Variants in AGXT observed in about 807,000 individuals in gnomAD.
AGXT encodes L-alanine: glyoxylate aminotransferase 1.
AGXT carries 41 observed loss-of-function variants against 46.9 expected under a neutral mutation model. That is an observed-to-expected ratio of 0.88 (90% CI 0.68 to 1.14). The LOEUF is 1.14. AGXT is among the 50% of genes most tolerant of loss of function. AGXT has a pLI of 0.00. For synonymous variants in AGXT, 244 were observed against 227.9 expected, an observed-to-expected ratio of 1.07 and a Z score of -0.64; for missense variants, 525 against 522.7, an observed-to-expected ratio of 1.00 and a Z score of -0.04.
At chr2:240,871,548 C>A in intron 4 of AGXT, 99 bp downstream of exon 4, 1 of 1,099,586 alleles carries the variant, frequency 9.1e-7, no homozygotes, top group Non-Finnish European at 1.3e-6. Flanking sequence ...CCCCTGGTCC[C>A]CACCCCAGCC....
In AGXT at chr2:240,877,520, C is replaced by A; in HGVS notation, c.847-17C>A. On this transcript the variant is annotated splice_polypyrimidine_tract_variant and intron_variant, in intron 8 of 10. Transcript: ENST00000307503. ...CCCCACCCATGTCACTGCCCACCAG[C>A]GCCATCTCCCACACAGGGCCTGGAG... 1 of 1,540,144 alleles carries A rather than the reference C, an allele frequency of 6.5e-7. No homozygotes were observed. The highest frequency in any genetic ancestry group is 8.8e-7 in the Non-Finnish European group (1 of 1,140,020).
chr2:240,871,230 A>T, intron 3 of AGXT, 119 bp from the exon 4 acceptor site: 1 of 820,000 alleles, frequency 1.2e-6, no homozygotes, highest in East Asian at 2.7e-5. Flanking sequence ...ACCATCAGGG[A>T]GGAGTAGAGG....
Position 240,869,261 on chromosome 2 carries a change from T to A in AGXT, c.257T>A (p.Leu86Gln). The change falls in exon 2 of 11, where the codon CTG becomes CAG. Residue 86 changes from leucine to glutamine, a missense_variant. Coordinates refer to ENST00000307503, the MANE Select transcript of AGXT (RefSeq NM_000030.3). ...LVISGSGHCA[L>Q]EAALVNVLEP... is the part of the protein sequence containing the mutation. ...ATCTCTGGCTCGGGACACTGTGCCC[T>A]GGAGGCCGCCCTGGTCAATGTGCTG... The A allele has an allele frequency of 6.2e-7, 1 of 1,613,838 alleles. No homozygotes were observed.
intron 7 of AGXT, 39 bp from the exon 8 acceptor site, chr2:240,875,896 T>A: frequency 6.2e-7 from 1 of 1,606,284 alleles, no homozygotes. Context: ...CCCCCAACCC[T>A]GCCCATGGTG....
At chr2:240,877,950 G>T (rs1438487755) in intron 9 of AGXT, 72 bp from the exon 10 acceptor site, 3 of 1,586,216 alleles carry the variant, frequency 1.9e-6, no homozygotes, top group Non-Finnish European at 2.6e-6. Context: ...GGCAGATGGT[G>T]CAGGCCAAGA....
At chr2:240,870,754 G>A (rs1394885694) in intron 3 of AGXT, 46 bp downstream of exon 3, 1 of 1,533,168 alleles carries the variant, frequency 6.5e-7, no homozygotes, top group South Asian at 1.2e-5. Flanking sequence ...AGGTGGGAGT[G>A]GGCATGCTGG....
At chr2:240,872,439 C>T (rs1234115116) in intron 4 of AGXT, among the ~76,000 whole-genome samples, 2 of 149,088 alleles carry the variant, frequency 1.3e-5, no homozygotes, top group African/African-American at 5.0e-5. Context: ...GGTGAGAGTT[C>T]GTGAACATGC....
intron 2 of AGXT, among the ~76,000 whole-genome samples, chr2:240,870,422 A>G (rs1321558622): frequency 6.6e-6 from 1 of 152,106 alleles, no homozygotes; most frequent in Non-Finnish European, 1.5e-5. Flanking sequence ...GTGCCCCAGG[A>G]GCGTTGGCTC....
At chr2:240,875,631 G>A (rs1401566301) in intron 7 of AGXT, among the ~76,000 whole-genome samples, 2 of 152,246 alleles carry the variant, frequency 1.3e-5, no homozygotes, top group African/African-American at 4.8e-5. Context: ...GGGCACAGAG[G>A]GCCAGTGCCG....
At chr2:240,870,425 G>A (rs1027346519) in intron 2 of AGXT, among the ~76,000 whole-genome samples, 5 of 152,162 alleles carry the variant, frequency 3.3e-5, no homozygotes, top group East Asian at 1.9e-4. Flanking sequence ...CCCCAGGAGC[G>A]TTGGCTCCAA....
chr2:240,875,500 C>G (rs1351843413), intron 7 of AGXT, among the ~76,000 whole-genome samples: 1 of 152,236 alleles, frequency 6.6e-6, no homozygotes, highest in Non-Finnish European at 1.5e-5. Context: ...CTGGCCCTGC[C>G]ACATCTCCCC....
At chr2:240,876,487 C>G (rs549582550) in intron 8 of AGXT, among the ~76,000 whole-genome samples, 1 of 152,268 alleles carries the variant, frequency 6.6e-6, no homozygotes, top group East Asian at 1.9e-4. Flanking sequence ...CTGCAACATC[C>G]ACACTCTCAG....
intron 4 of AGXT, among the ~76,000 whole-genome samples, chr2:240,871,741 G>A (rs2058992057): frequency 6.6e-6 from 1 of 152,268 alleles, no homozygotes; most frequent in African/African-American, 2.4e-5. Context: ...ATCTTGCCAG[G>A]GCCTGTCCCC....
At chr2:240,874,130 C>A (rs879179547) in intron 6 of AGXT, 68 bp downstream of exon 6, 1 of 1,460,474 alleles carries the variant, frequency 6.8e-7, no homozygotes, top group Non-Finnish European at 9.5e-7. Context: ...TGGCCCGAGG[C>A]GGGAGGGGCG....
At chr2:240,872,309 G>C (rs1462111297) in intron 4 of AGXT, among the ~76,000 whole-genome samples, 1 of 136,988 alleles carries the variant, frequency 7.3e-6, no homozygotes, top group African/African-American at 2.8e-5. Context: ...AGGAGGGTGA[G>C]AGTTCGTGAA....
intron 4 of AGXT, among the ~76,000 whole-genome samples, chr2:240,871,845 GC>G (rs2058992649): frequency 1.3e-5 from 2 of 152,230 alleles, no homozygotes; most frequent in South Asian, 4.1e-4. Context: ...GGTGCACAGG[GC>G]AAGGCCTTGA....
At chr2:240,874,771 G>C (rs74646933) in intron 6 of AGXT, among the ~76,000 whole-genome samples, 2 of 152,244 alleles carry the variant, frequency 1.3e-5, no homozygotes, top group African/African-American at 4.8e-5. Context: ...GTCCCCTGGG[G>C]CCCGAAAGCA....
intron 4 of AGXT, among the ~76,000 whole-genome samples, chr2:240,872,031 C>T (rs1304741281): frequency 6.6e-6 from 1 of 152,256 alleles, no homozygotes; most frequent in Non-Finnish European, 1.5e-5. Flanking sequence ...ATGAATAAAG[C>T]TCACAAACAT....
At chr2:240,873,909 AG>A in intron 5 of AGXT, 68 bp from the exon 6 acceptor site, 2 of 1,391,364 alleles carry the variant, frequency 1.4e-6, no homozygotes. Flanking sequence ...TTAGCTAGGC[AG>A]GCATCCCGCT....
Sources: allele counts gnomAD v4.1 joint callset (sites outside exome capture counted in the v4.1 genomes callset), GRCh38; gene constraint gnomAD v4.1.1; transcripts MANE v1.5; gene names NCBI Gene and HGNC (gene_info 2026-07-23, HGNC 2026-07-21).